DCAF6: variants seen among roughly 807,000 people sequenced by gnomAD.
The protein encoded by DCAF6 is DDB1 and CUL4 associated factor 6, also known as DDB1- and CUL4-associated factor 6.
Under a neutral mutation model 125.1 loss-of-function variants are expected in DCAF6, and 54 were observed. The ratio of observed to expected loss-of-function variants is 0.43; its 90% CI spans 0.35 to 0.54. The LOEUF (loss-of-function observed/expected upper bound fraction) is 0.54, where lower values mean the gene tolerates loss of function less well. Ranked by LOEUF, DCAF6 falls within the 20% of genes least tolerant of loss-of-function variation. The pLI, the probability that DCAF6 is intolerant of heterozygous loss-of-function variation, is 0.01. For synonymous variants in DCAF6, 371 were observed against 390.4 expected, an observed-to-expected ratio of 0.95 and a Z score of 0.58; for missense variants, 934 against 1,161.7, an observed-to-expected ratio of 0.80 and a Z score of 2.85.
chr1:167,893,870 C>A, the DCAF6 span: 7 of 1,612,538 alleles, frequency 4.3e-6, no homozygotes, highest in Non-Finnish European at 5.1e-6. Context: ...AAAATGCTTT[C>A]CATCACATAC....
upstream of DCAF6, chr1:167,936,094 G>C (rs1334791928): frequency 3.6e-6 from 2 of 559,370 alleles, no homozygotes; most frequent in African/African-American, 3.8e-5. Context: ...CAGGAGAGAG[G>C]GAGGAGCCAT....
chr1:167,973,728 A>G (rs1194474042), intron 3 of DCAF6, among the ~76,000 whole-genome samples: 1 of 151,036 alleles, frequency 6.6e-6, no homozygotes, highest in Non-Finnish European at 1.5e-5. Flanking sequence ...TTAGCACTTT[A>G]AAAAAGCACA....
chr1:167,866,250 G>A, the DCAF6 span, among the ~76,000 whole-genome samples: 21 of 152,232 alleles, frequency 1.4e-4, no homozygotes, highest in African/African-American at 4.8e-4. Context: ...ATAAGACATC[G>A]TAAAGCGAGA....
chr1:168,026,983 G>T (rs1381063585), intron 12 of DCAF6, among the ~76,000 whole-genome samples: 1 of 152,022 alleles, frequency 6.6e-6, no homozygotes, highest in Non-Finnish European at 1.5e-5. Context: ...AATGATGAGA[G>T]AAGTACGCAG....
chr1:168,045,068 A>G lies in DCAF6; in HGVS notation c.2099A>G (p.Asn700Ser), dbSNP rs1688996639. 1.2e-6 allele frequency: 2 copies of G among 1,614,036 alleles called. No homozygotes were observed. Among genetic ancestry groups the G allele is most frequent in the Non-Finnish European group, 1.7e-6 (2 of 1,179,938 alleles). ...AGCACTGAGAGTGCTACCAATGAAA[A>G]TAACACCAATCCTGAGCCTCAGTTC... ...QTSTESATNE[N>S]NTNPEPQFQT... is the part of the protein sequence containing the mutation. Residue 700 changes from asparagine (N) to serine (S), a missense_variant, in exon 16 of 22, where the codon AAT becomes AGT. Asn to Ser is a conservative substitution (Grantham distance 46). This residue lies in a region of DCAF6 where 559 missense variants were observed against 635.5 expected (regional missense o/e 0.88). Coordinates refer to ENST00000367840, the MANE Select transcript of DCAF6 (RefSeq NM_001198956.2).
At chr1:167,901,821 T>A in the DCAF6 span, 11 of 1,614,210 alleles carry the variant, frequency 6.8e-6, no homozygotes, top group Non-Finnish European at 9.3e-6. Context: ...GAGAGAGACA[T>A]GCCGCGGGCT....
At chr1:167,882,717 C>A in the DCAF6 span, among the ~76,000 whole-genome samples, 55 of 73,896 alleles carry the variant, frequency 7.4e-4, no homozygotes, top group Admixed American at 7.6e-3. Flanking sequence ...GGTAGCCCAG[C>A]GTAGTGAGAG....
At chr1:168,002,420 T>C in intron 7 of DCAF6, 62 bp from the exon 8 acceptor site, 1 of 1,392,658 alleles carries the variant, frequency 7.2e-7, no homozygotes, top group Non-Finnish European at 1.0e-6. Flanking sequence ...AAAGTATGCT[T>C]TAAGAGTTGA....
chr1:168,063,977 A>T (rs1317927295), intron 18 of DCAF6: 2 of 380,340 alleles, frequency 5.3e-6, no homozygotes, highest in East Asian at 9.4e-5. Context: ...AATGCAGATT[A>T]AAAAAATTTT....
upstream of DCAF6, among the ~76,000 whole-genome samples, chr1:167,933,144 T>C (rs1433311390): frequency 6.6e-6 from 1 of 151,676 alleles, no homozygotes; most frequent in African/African-American, 2.4e-5. Context: ...AACTAAAATA[T>C]GTATCTATAC....
intron 4 of DCAF6, among the ~76,000 whole-genome samples, chr1:167,985,226 GGTGT>G (rs942717091): frequency 2.0e-5 from 3 of 151,024 alleles, no homozygotes; most frequent in Non-Finnish European, 4.4e-5. Flanking sequence ...GTGTGTGTGT[GGTGT>G]GTGTGTGCGT....
the DCAF6 span, among the ~76,000 whole-genome samples, chr1:167,908,671 T>C: frequency 1.3e-5 from 2 of 152,194 alleles, no homozygotes; most frequent in Non-Finnish European, 2.9e-5. Flanking sequence ...TATGTACACT[T>C]TTTGTCATTT....
Position 168,066,251 on chromosome 1 carries a change from TTAAA to T in DCAF6, c.2597-123_2597-120del, listed in dbSNP as rs1692317963. The T allele has an allele frequency of 8.2e-6, 4 of 487,784 alleles. 1 individual carries two copies. The South Asian group carries it at 1.7e-4, about 20-fold the overall frequency. 30.2% of individuals were successfully genotyped at this position (487,784 alleles called of 1,614,324 possible). A position where few individuals can be genotyped will look rare whatever the true frequency, so the allele number is the denominator to read the frequency against. ...TCAAAATAATATTTTCAATTAACAG[TTAAA>T]TATATAGTGTACAATTGCTGTTCAA... On this transcript the variant is annotated intron_variant, in intron 19 of 21. Coordinates refer to ENST00000367840, the MANE Select transcript of DCAF6 (RefSeq NM_001198956.2).
At chr1:168,046,708 T>C (rs1449379073) in intron 16 of DCAF6, among the ~76,000 whole-genome samples, 1 of 152,126 alleles carries the variant, frequency 6.6e-6, no homozygotes, top group African/African-American at 2.4e-5. Flanking sequence ...TTTATGCAGA[T>C]GAGGTTAGCA....
intron 4 of DCAF6, among the ~76,000 whole-genome samples, chr1:167,979,282 A>G (rs769153996): frequency 2.0e-5 from 3 of 152,200 alleles, no homozygotes; most frequent in Non-Finnish European, 4.4e-5. Context: ...CATTTACCCA[A>G]GATGTTTTTT....
chr1:167,874,477 A>T, the DCAF6 span, among the ~76,000 whole-genome samples: 1 of 152,230 alleles, frequency 6.6e-6, no homozygotes. Context: ...GATTGATAAA[A>T]CTAAGTTGTT....
chr1:168,054,646 GCAAA>G (rs1690378840), intron 17 of DCAF6, among the ~76,000 whole-genome samples: 1 of 152,056 alleles, frequency 6.6e-6, no homozygotes, highest in Admixed American at 6.6e-5. Context: ...CAATTGGACT[GCAAA>G]CATTTTAAAA....
the DCAF6 span, among the ~76,000 whole-genome samples, chr1:167,894,959 C>G: frequency 1.3e-5 from 2 of 151,970 alleles, no homozygotes; most frequent in East Asian, 3.9e-4. Context: ...CCAAGGCAGG[C>G]GGATCATGAG....
chr1:168,032,247 C>T (rs943877064), intron 12 of DCAF6, among the ~76,000 whole-genome samples: 2 of 152,236 alleles, frequency 1.3e-5, no homozygotes, highest in Non-Finnish European at 2.9e-5. Context: ...CAGATTTGCA[C>T]TAGTGTAAGC....
Sources: gnomAD v4.1 joint callset for allele counts (sites outside exome capture counted in the v4.1 genomes callset) on GRCh38, gnomAD v4.1.1 for gene constraint, gnomAD v4.1.1 regional missense constraint, MANE v1.5 for transcripts, NCBI Gene and HGNC (gene_info 2026-07-23, HGNC 2026-07-21) for gene names.